The following WWP1 variants were observed in gnomAD, a reference collection of about 807,000 sequenced individuals.
The protein encoded by WWP1 is NEDD4-like E3 ubiquitin-protein ligase WWP1.
In WWP1, 49 loss-of-function variants were observed where a neutral mutation model predicts 130.6. The ratio of observed to expected loss-of-function variants is 0.38; its 90% confidence interval spans 0.30 to 0.48. The LOEUF (loss-of-function observed/expected upper bound fraction) is 0.48, where lower values mean the gene tolerates loss of function less well. Ranked by LOEUF, WWP1 falls within the 20% of genes least tolerant of loss-of-function variation. WWP1 has a pLI of 0.99. For synonymous variants in WWP1, 332 were observed against 367.8 expected (o/e 0.90, Z 1.11); for missense variants, 809 against 1,100.6 (o/e 0.74, Z 3.75).
intron 5 of WWP1, among the ~76,000 whole-genome samples, chr8:86,387,896 A>G (rs777695716): frequency 1.1e-4 from 17 of 152,196 alleles, no homozygotes; most frequent in Admixed American, 2.0e-4. Context: ...AGCATCATTC[A>G]GTAAGGGCTG....
chr8:86,408,390 A>G (rs1428147999), intron 8 of WWP1, among the ~76,000 whole-genome samples: 3 of 152,138 alleles, frequency 2.0e-5, no homozygotes, highest in Non-Finnish European at 4.4e-5. Context: ...GGTGGGTTGT[A>G]TTTTTAAAGT....
At chr8:86,426,863 A>G (rs1355210749) in intron 10 of WWP1, among the ~76,000 whole-genome samples, 1 of 152,194 alleles carries the variant, frequency 6.6e-6, no homozygotes, top group African/African-American at 2.4e-5. Context: ...ATGCTTATCA[A>G]AGAAAGAAGG....
chr8:86,419,765 A>G (rs1809094705), intron 9 of WWP1, among the ~76,000 whole-genome samples: 1 of 152,176 alleles, frequency 6.6e-6, no homozygotes, highest in Non-Finnish European at 1.5e-5. Context: ...ATGAAAACAG[A>G]TCTATTTTAA....
intron 8 of WWP1, among the ~76,000 whole-genome samples, chr8:86,404,657 A>G (rs1364952508): frequency 6.6e-6 from 1 of 152,230 alleles, no homozygotes; most frequent in African/African-American, 2.4e-5. Context: ...ATAATAGCTC[A>G]TATTTGTGCC....
intron 18 of WWP1, among the ~76,000 whole-genome samples, chr8:86,446,130 CA>C (rs1369712927): frequency 6.7e-6 from 1 of 148,496 alleles, no homozygotes; most frequent in East Asian, 2.0e-4. Flanking sequence ...CACAGGCACG[CA>C]CCACCACACT....
intron 7 of WWP1, 70 bp from the exon 8 acceptor site, chr8:86,401,949 C>T: frequency 7.5e-7 from 1 of 1,332,014 alleles, no homozygotes; most frequent in Non-Finnish European, 9.9e-7. Context: ...TTAGTAAATC[C>T]TATGAAAATT....
At chr8:86,395,368 T>C (rs1261456509) in intron 5 of WWP1, among the ~76,000 whole-genome samples, 2 of 151,412 alleles carry the variant, frequency 1.3e-5, no homozygotes, top group East Asian at 1.9e-4. Flanking sequence ...CAAATAAAAC[T>C]TTATTTATGA....
chr8:86,382,465 AG>A (rs1174710532), intron 5 of WWP1, among the ~76,000 whole-genome samples: 1 of 152,128 alleles, frequency 6.6e-6, no homozygotes, highest in African/African-American at 2.4e-5. Flanking sequence ...TTGGGAGGCC[AG>A]GGTGGGCAGA....
At position 86,383,129 on chromosome 8, in the gene WWP1, ACTTTTT is replaced by A. The variant is rs546776491; in HGVS notation, c.334+1510_334+1515del. Among the ~76,000 whole-genome samples, 169 of 152,206 alleles carry A rather than the reference ACTTTTT, an allele frequency of 1.1e-3. 1 individual carries two copies. The highest frequency in any genetic ancestry group is 7.0e-3 in the South Asian group (34 of 4,828). ...ATAATTTTTATATATTTGGCTTAAA[ACTTTTT>A]CTTTTTCTTAAAGCATTGTAAGTTT... On this transcript the variant is annotated intron_variant, in intron 5 of 24. Coordinates refer to ENST00000517970, the MANE Select transcript of WWP1 (RefSeq NM_007013.4).
At chr8:86,366,087 C>T (rs935041518) in intron 1 of WWP1, among the ~76,000 whole-genome samples, 1 of 152,152 alleles carries the variant, frequency 6.6e-6, no homozygotes, top group African/African-American at 2.4e-5. Flanking sequence ...CCAGTAGGTC[C>T]CCTACAGTGA....
At chr8:86,448,590 A>C in intron 20 of WWP1, 77 bp downstream of exon 20, 49 of 1,382,540 alleles carry the variant, frequency 3.5e-5, no homozygotes, top group Non-Finnish European at 4.4e-5. Context: ...CCTTAATTTC[A>C]TCCCCTTTTC....
chr8:86,461,249 T>C lies in WWP1; in HGVS notation c.2525T>C (p.Val842Ala). The change falls in exon 23 of 25, where the codon GTA (valine) becomes GCA (alanine). Residue 842 changes from valine (V) to alanine (A), a missense_variant. Around this residue, in one of 3 missense-constraint regions of WWP1, gnomAD observed 450 missense variants for 674.2 expected, o/e 0.67. Coordinates refer to ENST00000517970, the MANE Select transcript of WWP1 (RefSeq NM_007013.4). Reference protein sequence around the residue: ...WQFVKETDNEVRMRLLQFVTG... With the variant: ...WQFVKETDNEARMRLLQFVTG... Reference sequence around the variant, plus strand: ...TTTGTGAAAGAGACAGACAATGAAGTAAGAATGCGACTATTGCAGTTCGTC... The same window carrying C: ...TTTGTGAAAGAGACAGACAATGAAGCAAGAATGCGACTATTGCAGTTCGTC... 1 of 1,614,164 alleles carries C rather than the reference T, an allele frequency of 6.2e-7. No homozygotes were observed. Among genetic ancestry groups the C allele is most frequent in the South Asian group, 1.1e-5 (1 of 91,080 alleles).
intron 24 of WWP1, among the ~76,000 whole-genome samples, chr8:86,464,614 C>T (rs1210160679): frequency 2.0e-5 from 3 of 152,074 alleles, no homozygotes; most frequent in Admixed American, 2.0e-4. Context: ...CTCCTGGGTT[C>T]AAGCAATCCT....
chr8:86,421,407 A>C (rs966657145), intron 9 of WWP1, among the ~76,000 whole-genome samples: 1 of 152,212 alleles, frequency 6.6e-6, no homozygotes, highest in Non-Finnish European at 1.5e-5. Flanking sequence ...GGTGCAAACT[A>C]GGGAGTAGTT....
rs144668491 is a variant in WWP1, at chr8:86,429,262, A to G, written c.1333-1435A>G. Among the ~76,000 whole-genome samples the G allele has an allele frequency of 2.2e-4, 34 of 152,304 alleles. No homozygotes were observed. The East Asian group carries it at 5.8e-3, about 26-fold the overall frequency. On this transcript the variant is annotated intron_variant, in intron 11 of 24. Transcript: ENST00000517970. ...ATGCCCTCACCATGGCCTTCTGCCT[A>G]TACCTCATTGGCCAGAATTGGTCAC...
intron 24 of WWP1, among the ~76,000 whole-genome samples, chr8:86,465,203 C>A (rs1390881935): frequency 6.6e-6 from 1 of 152,140 alleles, no homozygotes; most frequent in Non-Finnish European, 1.5e-5. Flanking sequence ...AAGTTGACAG[C>A]AAAGAGCATA....
Position 86,425,217 on chromosome 8 carries a change from T to A in WWP1, c.1062-6T>A. On this transcript the variant is annotated splice_polypyrimidine_tract_variant and splice_region_variant and intron_variant, in intron 9 of 24. Transcript: ENST00000517970. The stretch of plus-strand genomic sequence containing the variant: ...TCTTACTGTTATTTTTGTATTTTTA[T>A]TAAAGGTGGGAACAAAGAAAAGATC... The A allele has an allele frequency of 6.2e-7, 1 of 1,600,334 alleles. No individual in the cohort carries two copies. Among genetic ancestry groups the A allele is most frequent in the Non-Finnish European group, 8.5e-7 (1 of 1,175,734 alleles).
intron 9 of WWP1, among the ~76,000 whole-genome samples, chr8:86,420,360 A>T (rs1809134460): frequency 6.6e-6 from 1 of 152,204 alleles, no homozygotes; most frequent in East Asian, 1.9e-4. Flanking sequence ...GGAAGTGGAG[A>T]TAATTTTTCT....
intron 9 of WWP1, among the ~76,000 whole-genome samples, chr8:86,420,807 A>C (rs1436027232): frequency 1.3e-5 from 2 of 152,244 alleles, no homozygotes; most frequent in Non-Finnish European, 2.9e-5. Context: ...ATTTTAAACT[A>C]TCTGAAAGTA....
Sources: gnomAD v4.1 joint callset for allele counts (sites outside exome capture counted in the v4.1 genomes callset) on GRCh38, gnomAD v4.1.1 for gene constraint, gnomAD v4.1.1 regional missense constraint, MANE v1.5 for transcripts, NCBI Gene and HGNC (gene_info 2026-07-23, HGNC 2026-07-21) for gene names.